KIAA1549L: variants seen among roughly 807,000 people sequenced by gnomAD.
KIAA1549L encodes KIAA1549 like.
A neutral mutation model predicts 160.7 loss-of-function variants in KIAA1549L; 88 were observed. That is an observed-to-expected ratio of 0.55 (90% confidence interval 0.46 to 0.65). The LOEUF is 0.65. KIAA1549L is among the 30% of genes least tolerant of loss of function. The pLI is 0.00. For synonymous variants in KIAA1549L, 950 were observed against 976.7 expected, an observed-to-expected ratio of 0.97 and a Z score of 0.51; for missense variants, 2,258 against 2,437.5, an observed-to-expected ratio of 0.93 and a Z score of 1.55.
chr11:33,443,712 G>A (rs1050166238), intron 1 of KIAA1549L, among the ~76,000 whole-genome samples: 1 of 149,004 alleles, frequency 6.7e-6, no homozygotes, highest in East Asian at 2.0e-4. Flanking sequence ...CAGAATGAAA[G>A]TTGTATTTAT....
intron 12 of KIAA1549L, among the ~76,000 whole-genome samples, chr11:33,597,168 C>T (rs1850223622): frequency 6.6e-6 from 1 of 152,198 alleles, no homozygotes; most frequent in Non-Finnish European, 1.5e-5. Context: ...TGCTAAGGTG[C>T]ATTAGGAATC....
chr11:33,416,000 G>GCACTGCA (rs1850880612), intron 1 of KIAA1549L, among the ~76,000 whole-genome samples: 1 of 152,032 alleles, frequency 6.6e-6, no homozygotes, highest in Non-Finnish European at 1.5e-5. Context: ...TCACACCACT[G>GCACTGCA]CACTGCAGGC....
chr11:33,630,059 G>A (rs936504948), intron 16 of KIAA1549L, among the ~76,000 whole-genome samples: 8 of 152,230 alleles, frequency 5.3e-5, no homozygotes, highest in Admixed American at 2.6e-4. Flanking sequence ...TGAGGTGTCA[G>A]TCTGCCTCTG....
intron 17 of KIAA1549L, among the ~76,000 whole-genome samples, chr11:33,652,662 A>C (rs1851931996): frequency 6.6e-6 from 1 of 152,254 alleles, no homozygotes; most frequent in Non-Finnish European, 1.5e-5. Context: ...ATGAGAGGCC[A>C]GAAGAGAGAA....
chr11:33,594,120 A>T (rs1279324151), intron 12 of KIAA1549L, among the ~76,000 whole-genome samples: 1 of 152,130 alleles, frequency 6.6e-6, no homozygotes, highest in Non-Finnish European at 1.5e-5. Flanking sequence ...CGTCTGTATC[A>T]ATTACCCACA....
intron 1 of KIAA1549L, among the ~76,000 whole-genome samples, chr11:33,440,320 G>A (rs1361279952): frequency 2.0e-5 from 3 of 150,282 alleles, no homozygotes; most frequent in Middle Eastern, 3.4e-3. Context: ...TAGTAGAGAC[G>A]GGGTTTCACC....
intron 1 of KIAA1549L, among the ~76,000 whole-genome samples, chr11:33,398,173 C>T (rs1850425709): frequency 6.6e-6 from 1 of 151,680 alleles, no homozygotes; most frequent in Admixed American, 6.6e-5. Context: ...CTGCCTGCCT[C>T]AGCCTCCCAA....
chr11:33,628,517 T>C (rs939040630), intron 16 of KIAA1549L, among the ~76,000 whole-genome samples: 3 of 149,866 alleles, frequency 2.0e-5, no homozygotes, highest in African/African-American at 7.5e-5. Context: ...TCTTGTTGAA[T>C]TGATCCCTTT....
chr11:33,552,653 A>AACACACACACAC lies in KIAA1549L; in HGVS notation c.3855+452_3855+463dup, dbSNP rs761358417. Among the ~76,000 whole-genome samples, 7 of 131,450 alleles carry AACACACACACAC rather than the reference A, an allele frequency of 5.3e-5. No individual in the cohort carries two copies. In the East Asian group the frequency reaches 1.5e-3, roughly 28 times the overall value. 86.2% of individuals were successfully genotyped at this position (131,450 alleles called of 152,430 possible). The stretch of plus-strand genomic sequence containing the variant: ...AGTTGCCTTAGTTTAGACACATGCC[A>AACACACACACAC]ACACACACACACACACACACACACA... On this transcript the variant is annotated intron_variant, in intron 6 of 20. Coordinates refer to ENST00000658780, the MANE Select transcript of KIAA1549L (RefSeq NM_012194.3).
chr11:33,540,249 A>G (rs1853986110), intron 1 of KIAA1549L, among the ~76,000 whole-genome samples: 2 of 152,174 alleles, frequency 1.3e-5, no homozygotes, highest in African/African-American at 4.8e-5. Context: ...AAGGCTATGT[A>G]ACTGAAACAA....
chr11:33,536,206 G>C (rs1182876694), intron 1 of KIAA1549L, among the ~76,000 whole-genome samples: 2 of 152,176 alleles, frequency 1.3e-5, no homozygotes, highest in Admixed American at 6.5e-5. Flanking sequence ...CCCTGGCTCA[G>C]TGCTGTAATA....
rs114487535 is a variant in KIAA1549L at position 33,390,477 on chromosome 11, C to T, written c.238+13588C>T. ...AGTGGGCAAGCCTCTTTAGTTTAAA[C>T]GCCCACCATCAAGACTCTGCCCCAG... On this transcript the variant is annotated intron_variant, in intron 1 of 20. Coordinates refer to ENST00000658780, the MANE Select transcript of KIAA1549L (RefSeq NM_012194.3). 2.1e-3 allele frequency among the ~76,000 whole-genome samples: 320 copies of T among 152,284 alleles called. 2 individuals are homozygous for T. Among genetic ancestry groups the T allele is most frequent in the African/African-American group, 7.3e-3 (303 of 41,546 alleles).
intron 10 of KIAA1549L, among the ~76,000 whole-genome samples, chr11:33,577,782 C>T (rs1302539345): frequency 6.6e-6 from 1 of 152,144 alleles, no homozygotes; most frequent in East Asian, 1.9e-4. Flanking sequence ...GCTGTGTCCA[C>T]ACCACTTCTT....
Position 33,645,700 on chromosome 11 carries a change from C to A in KIAA1549L, c.5424C>A (p.Ile1808=). The change falls in exon 17 of 21, where the codon ATC becomes ATA. Residue 1808 remains isoleucine (I), a synonymous_variant. Transcript: ENST00000658780. ...RNSGYDTEPE[I]IEETNIDRVP... The stretch of plus-strand genomic sequence containing the variant: ...TCCTCCCACAGACTGAGCCTGAAAT[C>A]ATAGAGGAAACCAACATTGACAGAG... The A allele has an allele frequency of 6.2e-7, 1 of 1,613,306 alleles. No homozygotes were observed. The highest frequency in any genetic ancestry group is 8.5e-7 in the Non-Finnish European group (1 of 1,179,260).
intron 12 of KIAA1549L, 88 bp downstream of exon 12, chr11:33,591,509 G>A (rs904426162): frequency 1.2e-5 from 13 of 1,066,608 alleles, no homozygotes; most frequent in African/African-American, 1.1e-4. Context: ...TTAATTCCAC[G>A]GTTCTCTTTA....
At chr11:33,532,513 T>C (rs1853797331) in intron 1 of KIAA1549L, among the ~76,000 whole-genome samples, 1 of 152,232 alleles carries the variant, frequency 6.6e-6, no homozygotes, top group South Asian at 2.1e-4. Context: ...GTAAGTACTG[T>C]AATTATCCCC....
chr11:33,616,290 T>C (rs1850805775), intron 15 of KIAA1549L, among the ~76,000 whole-genome samples: 1 of 152,104 alleles, frequency 6.6e-6, no homozygotes, highest in African/African-American at 2.4e-5. Flanking sequence ...ACTCCTGGCA[T>C]ATATCCTATC....
intron 12 of KIAA1549L, among the ~76,000 whole-genome samples, chr11:33,593,697 G>T (rs753083474): frequency 2.6e-5 from 4 of 152,206 alleles, no homozygotes; most frequent in African/African-American, 9.7e-5. Flanking sequence ...GCCATTTATT[G>T]TGTTGGGGGA....
chr11:33,550,246 A>T (rs1470110713), intron 4 of KIAA1549L, among the ~76,000 whole-genome samples: 1 of 152,056 alleles, frequency 6.6e-6, no homozygotes, highest in Non-Finnish European at 1.5e-5. Context: ...GGAGCTGCAT[A>T]CATATACGTA....
Sources: allele counts gnomAD v4.1 joint callset (sites outside exome capture counted in the v4.1 genomes callset), GRCh38; gene constraint gnomAD v4.1.1; transcripts MANE v1.5; gene names NCBI Gene and HGNC (gene_info 2026-07-23, HGNC 2026-07-21).